DNAH17: variants seen among roughly 807,000 people sequenced by gnomAD.
DNAH17 encodes dynein axonemal heavy chain 17, also known as axonemal beta dynein heavy chain 17.
In DNAH17, 376 loss-of-function variants were observed where a neutral mutation model predicts 485.6. The observed-to-expected ratio is 0.77, with a 90% CI of 0.71 to 0.84. The LOEUF is 0.84. Ranked by LOEUF, DNAH17 falls within the 40% of genes least tolerant of loss-of-function variation. DNAH17 has a pLI of 0.00. For missense variants in DNAH17, 6,370 were observed against 5,839.3 expected (o/e 1.09, Z -2.96); for synonymous variants, 3,031 against 2,405.9 (o/e 1.26, Z -7.60).
At chr17:78,556,081 A>G (rs995495976) in intron 14 of DNAH17, among the ~76,000 whole-genome samples, 7 of 152,124 alleles carry the variant, frequency 4.6e-5, no homozygotes, top group Admixed American at 6.5e-5. Flanking sequence ...ATACATGTCT[A>G]TATCTCTGTC....
At chr17:78,571,920 C>G in intron 3 of DNAH17, 138 bp from the exon 4 acceptor site, 1 of 778,436 alleles carries the variant, frequency 1.3e-6, no homozygotes, top group Middle Eastern at 3.5e-4. Context: ...CCTGGTGCCT[C>G]CAGCCACCTC....
At position 78,503,344 on chromosome 17, in the gene DNAH17, A is replaced by ATT. The variant is rs34437723; in HGVS notation, c.4957-335_4957-334dup. On this transcript the variant is annotated intron_variant, in intron 31 of 80. Coordinates refer to ENST00000389840, the MANE Select transcript of DNAH17 (RefSeq NM_173628.4). The stretch of plus-strand genomic sequence containing the variant: ...ACAGGCGCCCGCCCCCACTCCCGGC[A>ATT]TTTTTTTTTTTTTTGTATTTTTACT... Among the ~76,000 whole-genome samples the ATT allele has an allele frequency of 7.6e-3, 980 of 129,358 alleles. 14 individuals carry two copies. The highest frequency in any genetic ancestry group is 0.013 in the African/African-American group (430 of 34,368). 84.9% of individuals were successfully genotyped at this position (129,358 alleles called of 152,430 possible). A position where few individuals can be genotyped will look rare whatever the true frequency, so the allele number is the denominator to read the frequency against.
intron 34 of DNAH17, 112 bp from the exon 35 acceptor site, chr17:78,501,456 C>T: frequency 7.5e-7 from 1 of 1,328,292 alleles, no homozygotes; most frequent in Non-Finnish European, 1.0e-6. Context: ...GGAACCCTCC[C>T]TGGCCCTCTT....
At chr17:78,526,567 G>A (rs1439998068) in intron 24 of DNAH17, 84 bp downstream of exon 24, 1 of 1,234,078 alleles carries the variant, frequency 8.1e-7, no homozygotes, top group Non-Finnish European at 1.1e-6. Flanking sequence ...CCACGTTTCT[G>A]GACTTGAAAG....
At chr17:78,541,799 C>G (rs1465474193) in intron 17 of DNAH17, among the ~76,000 whole-genome samples, 4 of 151,302 alleles carry the variant, frequency 2.6e-5, no homozygotes, top group Non-Finnish European at 5.9e-5. Flanking sequence ...CTCCTGTGCT[C>G]TGTTTCCAAC....
intron 25 of DNAH17, among the ~76,000 whole-genome samples, chr17:78,519,192 A>AAAAAAAAAAAAAAT (rs1568188789): frequency 3.4e-5 from 5 of 147,134 alleles, no homozygotes; most frequent in African/African-American, 1.3e-4. Context: ...AAAAAAAAAA[A>AAAAAAAAAAAAAAT]AGAAATGTAA....
chr17:78,563,966 T>C (rs1210104790), intron 11 of DNAH17, among the ~76,000 whole-genome samples: 2 of 151,778 alleles, frequency 1.3e-5, no homozygotes, highest in Admixed American at 1.3e-4. Flanking sequence ...TACGTGAAAA[T>C]TTTTAAAAAG....
Position 78,529,585 on chromosome 17 carries a change from C to G in DNAH17, c.3394G>C (p.Val1132Leu). ...TCGGTGGCTGCTTGCCTCTCCTTGACTTTCATCAGGTGCCCCATCACCTCC... is the reference window on the plus strand; with the variant it reads ...TCGGTGGCTGCTTGCCTCTCCTTGAGTTTCATCAGGTGCCCCATCACCTCC... ...LVEVMGHLMK[V>L]KERQAATDNM... The change falls in exon 22 of 81, where the codon GTC (valine) becomes CTC (leucine). Residue 1132 changes from valine (V) to leucine (L), a missense_variant. By Grantham distance (32) the Val-to-Leu change is conservative (BLOSUM62 1). Coordinates refer to ENST00000389840, the MANE Select transcript of DNAH17 (RefSeq NM_173628.4). The G allele has an allele frequency of 6.2e-7, 1 of 1,613,982 alleles. No individual in the cohort carries two copies. Among genetic ancestry groups the G allele is most frequent in the East Asian group, 2.2e-5 (1 of 44,872 alleles).
In DNAH17 at chr17:78,475,803, G is replaced by A. The variant is rs373000230; in HGVS notation, c.8185C>T (p.Pro2729Ser). 2.5e-6 allele frequency: 4 copies of A among 1,613,588 alleles called. No homozygotes were observed. The highest frequency in any genetic ancestry group is 3.4e-6 in the Non-Finnish European group (4 of 1,179,818). The change falls in exon 53 of 81, where the codon CCA (proline) becomes TCA (serine). Residue 2729 changes from proline to serine, a missense_variant. Transcript: ENST00000389840. ...TGAGCAAAGTGGCAGAAGATATTTG[G>A]CTTGGCAAATAAGAGTTCATCACCA... Reference protein sequence around the residue: ...DLGDELLFAKPNIFCHFAQGI... With the variant: ...DLGDELLFAKSNIFCHFAQGI...
intron 44 of DNAH17, 80 bp from the exon 45 acceptor site, chr17:78,486,586 C>G (rs2089620180): frequency 5.4e-6 from 8 of 1,477,276 alleles, no homozygotes; most frequent in Non-Finnish European, 7.2e-6. Flanking sequence ...ACGCCCCTCC[C>G]TACCTCCACC....
intron 56 of DNAH17, among the ~76,000 whole-genome samples, 163 bp from the exon 57 acceptor site, chr17:78,463,240 G>A (rs1448714059): frequency 6.6e-6 from 1 of 152,158 alleles, no homozygotes; most frequent in African/African-American, 2.4e-5. Flanking sequence ...AACAGATCCT[G>A]GGGCCCTTGT....
chr17:78,543,085 G>A (rs562136435), intron 17 of DNAH17, among the ~76,000 whole-genome samples: 2 of 150,766 alleles, frequency 1.3e-5, no homozygotes, highest in African/African-American at 4.9e-5. Context: ...ACTACTTAAA[G>A]ATAAGGCTCG....
chr17:78,459,825 G>C lies in DNAH17; in HGVS notation c.9612C>G (p.Phe3204Leu). ...AGGCCTCAGGGATGTGCTCCTTGTCGAACTTCTTCAGGGAGTCTAGGAAGG... is the reference window on the plus strand; with the variant it reads ...AGGCCTCAGGGATGTGCTCCTTGTCCAACTTCTTCAGGGAGTCTAGGAAGG... Reference protein sequence around the residue: ...VDTFLDSLKKFDKEHIPEACL... With the variant: ...VDTFLDSLKKLDKEHIPEACL... The change falls in exon 60 of 81, where the codon TTC becomes TTG. Residue 3204 changes from phenylalanine to leucine, a missense_variant. By Grantham distance (22) the Phe-to-Leu change is conservative. Coordinates refer to ENST00000389840, the MANE Select transcript of DNAH17 (RefSeq NM_173628.4). 6.2e-7 allele frequency: 1 copy of C among 1,614,018 alleles called. No homozygotes were observed. Among genetic ancestry groups the C allele is most frequent in the Non-Finnish European group, 8.5e-7 (1 of 1,179,888 alleles).
chr17:78,556,895 C>T (rs558877613), intron 14 of DNAH17, among the ~76,000 whole-genome samples: 12 of 152,102 alleles, frequency 7.9e-5, no homozygotes, highest in Non-Finnish European at 1.2e-4. Context: ...AATAATTAAC[C>T]GAGTGAAAGC....
chr17:78,528,400 G>A (rs1438543839), intron 22 of DNAH17, among the ~76,000 whole-genome samples: 2 of 152,068 alleles, frequency 1.3e-5, no homozygotes, highest in Non-Finnish European at 2.9e-5. Context: ...GACTACAGGT[G>A]TGCGCCACCA....
At chr17:78,463,508 G>A (rs2088256857) in intron 56 of DNAH17, among the ~76,000 whole-genome samples, 2 of 151,956 alleles carry the variant, frequency 1.3e-5, no homozygotes, top group South Asian at 2.1e-4. Flanking sequence ...ACGTGCATAT[G>A]CATTCACATA....
chr17:78,423,882 T>C lies in DNAH17; in HGVS notation c.*24A>G, dbSNP rs753468668. 6.2e-6 allele frequency: 10 copies of C among 1,612,024 alleles called. No individual in the cohort carries two copies. The highest frequency in any genetic ancestry group is 2.7e-5 in the African/African-American group (2 of 74,786). ...TGAGTTGTGGTCCAGCCCCAGGGAGTGTGGGCTGTGAGGCAGGAGCGAGCT... is the reference window on the plus strand; with the variant it reads ...TGAGTTGTGGTCCAGCCCCAGGGAGCGTGGGCTGTGAGGCAGGAGCGAGCT... On this transcript the variant is annotated 3_prime_UTR_variant, in exon 81 of 81. Coordinates refer to ENST00000389840, the MANE Select transcript of DNAH17 (RefSeq NM_173628.4).
intron 35 of DNAH17, 173 bp downstream of exon 35, chr17:78,501,011 C>T: frequency 2.9e-6 from 2 of 692,860 alleles, no homozygotes; most frequent in South Asian, 3.4e-5. Context: ...GGCCACACAG[C>T]CGGTGCTAGA....
In DNAH17 at chr17:78,426,843, T is replaced by TAGGCCTGGGTTGCCAG. The variant is rs911759121; in HGVS notation, c.12771+67_12771+82dup. 6.0e-6 allele frequency: 9 copies of TAGGCCTGGGTTGCCAG among 1,498,564 alleles called. No homozygotes were observed. The East Asian group carries it at 1.5e-4, about 24-fold the overall frequency. 92.8% of individuals were successfully genotyped at this position (1,498,564 alleles called of 1,614,324 possible). On this transcript the variant is annotated intron_variant, in intron 78 of 80. Coordinates refer to ENST00000389840, the MANE Select transcript of DNAH17 (RefSeq NM_173628.4). ...TACCATGCTGATCCGGGGCCTGTGC[T>TAGGCCTGGGTTGCCAG]AGGCCTGGGTTGCCAGAGGCCTGGG...
Sources: gnomAD v4.1 joint callset for allele counts (sites outside exome capture counted in the v4.1 genomes callset) on GRCh38, gnomAD v4.1.1 for gene constraint, MANE v1.5 for transcripts, NCBI Gene and HGNC (gene_info 2026-07-23, HGNC 2026-07-21) for gene names.